PLCB4: variants seen among roughly 807,000 people sequenced by gnomAD.
PLCB4 encodes phospholipase C beta 4, also known as 1-phosphatidylinositol 4,5-bisphosphate phosphodiesterase beta-4.
In PLCB4, 77 loss-of-function variants were observed where a neutral mutation model predicts 178.8. The ratio of observed to expected loss-of-function variants is 0.43; its 90% confidence interval spans 0.36 to 0.52. The LOEUF is 0.52. Among genes scored for constraint, PLCB4 ranks in the 20% least tolerant of loss-of-function variants. The pLI is 0.00. For synonymous variants in PLCB4, 496 were observed against 490.8 expected (o/e 1.01, Z -0.14); for missense variants, 1,024 against 1,453.4 (o/e 0.70, Z 4.80).
chr20:9,365,429 A>C, intron 8 of PLCB4, 32 bp from the exon 9 acceptor site: 1 of 1,478,016 alleles, frequency 6.8e-7, no homozygotes, highest in Non-Finnish European at 9.4e-7. Flanking sequence ...TCTAAGAAAC[A>C]TTAAGGCAAT....
chr20:9,423,622 A>G, intron 27 of PLCB4, 126 bp from the exon 28 acceptor site: 1 of 722,932 alleles, frequency 1.4e-6, no homozygotes, highest in Non-Finnish European at 2.4e-6. Flanking sequence ...ATGCAGATGG[A>G]TCATGGACTT....
At chr20:9,406,676 T>G (rs1027109008) in intron 21 of PLCB4, among the ~76,000 whole-genome samples, 16 of 152,142 alleles carry the variant, frequency 1.1e-4, no homozygotes, top group African/African-American at 3.9e-4. Flanking sequence ...TTTGTATTTT[T>G]AATAGAGATG....
At chr20:9,228,608 A>G (rs1183416323) in intron 3 of PLCB4, among the ~76,000 whole-genome samples, 1 of 152,182 alleles carries the variant, frequency 6.6e-6, no homozygotes, top group Non-Finnish European at 1.5e-5. Flanking sequence ...AAGGAGACAC[A>G]TGTATTTTTC....
chr20:9,415,882 C>T (rs1294671925), intron 25 of PLCB4, among the ~76,000 whole-genome samples: 5 of 152,192 alleles, frequency 3.3e-5, no homozygotes, highest in Admixed American at 3.3e-4. Context: ...TTCAGCTTCC[C>T]TATCAATGCC....
intron 2 of PLCB4, among the ~76,000 whole-genome samples, chr20:9,157,615 A>G (rs1489811072): frequency 6.6e-6 from 1 of 152,182 alleles, no homozygotes; most frequent in Non-Finnish European, 1.5e-5. Context: ...TTGACATTTC[A>G]TTTAAAAAAT....
chr20:9,240,755 G>C (rs1407528096), intron 3 of PLCB4, among the ~76,000 whole-genome samples: 1 of 151,958 alleles, frequency 6.6e-6, no homozygotes, highest in Non-Finnish European at 1.5e-5. Context: ...TTGGTTATCT[G>C]TCAGTTCTCT....
intron 1 of PLCB4, among the ~76,000 whole-genome samples, chr20:9,092,443 T>C (rs780106919): frequency 3.3e-5 from 5 of 152,100 alleles, no homozygotes; most frequent in Non-Finnish European, 5.9e-5. Context: ...CAAGTGGGAA[T>C]TGTTGATGAG....
intron 12 of PLCB4, among the ~76,000 whole-genome samples, chr20:9,379,300 C>A (rs899690865): frequency 6.6e-6 from 1 of 152,102 alleles, no homozygotes. Context: ...GCAGGGACAG[C>A]ATTGCTCCTG....
intron 3 of PLCB4, among the ~76,000 whole-genome samples, chr20:9,237,367 G>A (rs1301497409): frequency 6.6e-6 from 1 of 152,070 alleles, no homozygotes; most frequent in Non-Finnish European, 1.5e-5. Context: ...GAAGTTATTG[G>A]AGGAAAGGTG....
chr20:9,188,358 T>C (rs6108268), intron 2 of PLCB4, among the ~76,000 whole-genome samples: 1 of 152,228 alleles, frequency 6.6e-6, no homozygotes, highest in Non-Finnish European at 1.5e-5. Context: ...ACTTGTCATG[T>C]GCGAGGAACA....
chr20:9,174,474 A>G (rs1453210764), intron 2 of PLCB4, among the ~76,000 whole-genome samples: 1 of 146,882 alleles, frequency 6.8e-6, no homozygotes, highest in Non-Finnish European at 1.5e-5. Context: ...TTTCTTTTCA[A>G]TTTTACCTGG....
intron 2 of PLCB4, among the ~76,000 whole-genome samples, chr20:9,171,577 A>G (rs1435958214): frequency 6.6e-6 from 1 of 152,196 alleles, no homozygotes; most frequent in Non-Finnish European, 1.5e-5. Flanking sequence ...CTGAGAGGAA[A>G]GGACAGAACA....
intron 4 of PLCB4, among the ~76,000 whole-genome samples, chr20:9,315,777 A>G (rs1030618899): frequency 1.3e-5 from 2 of 152,076 alleles, no homozygotes; most frequent in African/African-American, 4.8e-5. Flanking sequence ...TACTAAAAAT[A>G]TAAAAATTAG....
chr20:9,129,515 T>A (rs1040777824), intron 2 of PLCB4, among the ~76,000 whole-genome samples: 1 of 152,178 alleles, frequency 6.6e-6, no homozygotes, highest in Non-Finnish European at 1.5e-5. Flanking sequence ...AATAAACTTC[T>A]TGTTCTCAAA....
chr20:9,466,911 C>A (rs935049067), intron 35 of PLCB4, among the ~76,000 whole-genome samples: 2 of 152,112 alleles, frequency 1.3e-5, no homozygotes, highest in Non-Finnish European at 2.9e-5. Flanking sequence ...CCATTTGACC[C>A]AGCAATCCCA....
chr20:9,259,556 TA>T (rs1003030393), intron 3 of PLCB4, among the ~76,000 whole-genome samples: 2 of 152,146 alleles, frequency 1.3e-5, no homozygotes, highest in African/African-American at 4.8e-5. Context: ...AAAAGTCAAT[TA>T]AAAAACGAAA....
At chr20:9,461,587 G>A (rs182926526) in intron 35 of PLCB4, among the ~76,000 whole-genome samples, 5 of 152,330 alleles carry the variant, frequency 3.3e-5, no homozygotes, top group South Asian at 2.1e-4. Context: ...CTTAGCAACC[G>A]GCAGACAAGG....
At chr20:9,173,401 G>A (rs112294547) in intron 2 of PLCB4, among the ~76,000 whole-genome samples, 3 of 152,142 alleles carry the variant, frequency 2.0e-5, no homozygotes, top group Non-Finnish European at 4.4e-5. Flanking sequence ...GGAGACACAC[G>A]CTCTCCAGTT....
At chr20:9,276,055 C>T (rs1024079020) in intron 3 of PLCB4, among the ~76,000 whole-genome samples, 14 of 151,996 alleles carry the variant, frequency 9.2e-5, no homozygotes, top group Non-Finnish European at 2.1e-4. Flanking sequence ...GGAAAGGAAA[C>T]GGATGGCAAA....
Sources: gnomAD v4.1 joint callset for allele counts (sites outside exome capture counted in the v4.1 genomes callset) on GRCh38, gnomAD v4.1.1 for gene constraint, MANE v1.5 for transcripts, NCBI Gene and HGNC (gene_info 2026-07-23, HGNC 2026-07-21) for gene names.